The following PAPPA2 variants were observed in gnomAD, a reference collection of about 807,000 sequenced individuals.
PAPPA2 encodes the protein pappalysin-2.
PAPPA2 carries 86 observed loss-of-function variants against 176.4 expected under a neutral mutation model. The observed-to-expected ratio is 0.49, with a 90% CI of 0.41 to 0.58. PAPPA2 has a LOEUF of 0.58. PAPPA2 is among the 20% of genes least tolerant of loss of function. PAPPA2 has a pLI of 0.00. For synonymous variants in PAPPA2, 809 were observed against 852.2 expected (o/e 0.95, Z 0.88); for missense variants, 2,073 against 2,256.9 (o/e 0.92, Z 1.65).
chr1:176,731,677 G>A (rs1418000533), intron 12 of PAPPA2, among the ~76,000 whole-genome samples: 2 of 150,756 alleles, frequency 1.3e-5, no homozygotes, highest in African/African-American at 2.5e-5. Context: ...ACATATATGT[G>A]TATATATACA....
At chr1:176,473,764 TG>T (rs1651991243) in intron 1 of PAPPA2, among the ~76,000 whole-genome samples, 1 of 152,226 alleles carries the variant, frequency 6.6e-6, no homozygotes, top group Non-Finnish European at 1.5e-5. Context: ...TGTTTTAATT[TG>T]TAATTCCTGA....
rs1045849278 is a variant in PAPPA2 at position 176,599,995 on chromosome 1, T to C, written c.1991+4400T>C. On this transcript the variant is annotated intron_variant, in intron 3 of 22. Transcript: ENST00000367662. Reference sequence around the variant, plus strand: ...GCCTTCCCTATCCTATTTTTTGTGTTGAATCTTTATTATTAAAAATATTAA... The same window carrying C: ...GCCTTCCCTATCCTATTTTTTGTGTCGAATCTTTATTATTAAAAATATTAA... Among the ~76,000 whole-genome samples, 15 of 152,278 alleles carry C rather than the reference T, an allele frequency of 9.9e-5. No homozygotes were observed. The East Asian group carries it at 2.5e-3, about 25-fold the overall frequency.
At chr1:176,485,993 G>C (rs930010408) in intron 1 of PAPPA2, among the ~76,000 whole-genome samples, 2 of 152,192 alleles carry the variant, frequency 1.3e-5, no homozygotes, top group Admixed American at 6.5e-5. Flanking sequence ...GTGGGAAAAT[G>C]ACTAGGAAAT....
intron 21 of PAPPA2, among the ~76,000 whole-genome samples, chr1:176,801,732 A>G (rs955652999): frequency 1.3e-5 from 2 of 152,042 alleles, no homozygotes; most frequent in Non-Finnish European, 2.9e-5. Flanking sequence ...GATCCTGAGA[A>G]TTCCCTTCTG....
At chr1:176,814,118 C>T (rs186169174) in intron 21 of PAPPA2, among the ~76,000 whole-genome samples, 248 of 152,180 alleles carry the variant, frequency 1.6e-3, no homozygotes, top group Non-Finnish European at 2.8e-3. Flanking sequence ...TTTCTGAGTT[C>T]TCTATTCTGT....
chr1:176,468,198 T>G (rs1185314458), intron 1 of PAPPA2, among the ~76,000 whole-genome samples: 1 of 152,204 alleles, frequency 6.6e-6, no homozygotes, highest in East Asian at 1.9e-4. Context: ...CTGAGATTCT[T>G]CCATCCTGGA....
intron 4 of PAPPA2, among the ~76,000 whole-genome samples, chr1:176,688,755 T>G (rs558949431): frequency 6.6e-6 from 1 of 152,164 alleles, no homozygotes; most frequent in South Asian, 2.1e-4. Flanking sequence ...CTGTCCTGTG[T>G]AGTACAGTAG....
At chr1:176,825,641 A>G (rs1340181375) in intron 21 of PAPPA2, among the ~76,000 whole-genome samples, 1 of 152,232 alleles carries the variant, frequency 6.6e-6, no homozygotes, top group Non-Finnish European at 1.5e-5. Context: ...TAGATAGAGC[A>G]TTGCTGCTAT....
intron 14 of PAPPA2, among the ~76,000 whole-genome samples, chr1:176,757,644 T>G (rs1398079914): frequency 2.0e-5 from 3 of 152,184 alleles, no homozygotes; most frequent in Non-Finnish European, 2.9e-5. Flanking sequence ...TTGCTTCCAT[T>G]CTGTAGGTTG....
At chr1:176,529,020 A>T (rs1267802392) in intron 1 of PAPPA2, among the ~76,000 whole-genome samples, 1 of 152,222 alleles carries the variant, frequency 6.6e-6, no homozygotes, top group Non-Finnish European at 1.5e-5. Context: ...ACTTGTGGGC[A>T]GGAAGCAGAC....
chr1:176,678,484 C>T (rs1020671754), intron 4 of PAPPA2, among the ~76,000 whole-genome samples: 1 of 151,278 alleles, frequency 6.6e-6, no homozygotes, highest in African/African-American at 2.4e-5. Flanking sequence ...CCAAATCTTA[C>T]AGCAATTTAA....
intron 3 of PAPPA2, among the ~76,000 whole-genome samples, chr1:176,664,104 T>C (rs1658496229): frequency 6.6e-6 from 1 of 152,222 alleles, no homozygotes; most frequent in Non-Finnish European, 1.5e-5. Flanking sequence ...CTTTATGCTC[T>C]TTTATTTTCC....
chr1:176,682,274 G>T (rs1165323344), intron 4 of PAPPA2, among the ~76,000 whole-genome samples: 1 of 152,134 alleles, frequency 6.6e-6, no homozygotes, highest in East Asian at 1.9e-4. Flanking sequence ...GTGAAGAGGG[G>T]GATGTGGATC....
At chr1:176,711,045 G>A (rs1256865339) in intron 11 of PAPPA2, among the ~76,000 whole-genome samples, 3 of 152,056 alleles carry the variant, frequency 2.0e-5, no homozygotes, top group Non-Finnish European at 4.4e-5. Context: ...CCTTTTTATT[G>A]GGAAAATAAT....
chr1:176,493,435 A>G (rs769523488), intron 1 of PAPPA2, among the ~76,000 whole-genome samples: 21 of 152,180 alleles, frequency 1.4e-4, no homozygotes, highest in Non-Finnish European at 3.1e-4. Flanking sequence ...TGGCAGCTCT[A>G]TTGCTCCTGA....
chr1:176,825,967 CATT>C (rs541901841), intron 21 of PAPPA2, among the ~76,000 whole-genome samples: 308 of 152,270 alleles, frequency 2.0e-3, no homozygotes, highest in Non-Finnish European at 3.4e-3. Flanking sequence ...TATTGAATAA[CATT>C]ATTGAGTGTT....
intron 1 of PAPPA2, among the ~76,000 whole-genome samples, chr1:176,531,934 G>A (rs1305152087): frequency 6.6e-6 from 1 of 152,132 alleles, no homozygotes; most frequent in East Asian, 1.9e-4. Context: ...CATTTCTTGG[G>A]AACTGGGCTT....
intron 21 of PAPPA2, among the ~76,000 whole-genome samples, chr1:176,819,816 C>T (rs1312805253): frequency 6.6e-6 from 1 of 152,198 alleles, no homozygotes; most frequent in Non-Finnish European, 1.5e-5. Context: ...GAAAGAGAGC[C>T]TCTGCACTTT....
At chr1:176,653,723 T>C (rs1338153410) in intron 3 of PAPPA2, among the ~76,000 whole-genome samples, 1 of 151,742 alleles carries the variant, frequency 6.6e-6, no homozygotes, top group Non-Finnish European at 1.5e-5. Flanking sequence ...TTCTTCCTTA[T>C]ACCCCACTCC....
Sources: gnomAD v4.1 joint callset for allele counts (sites outside exome capture counted in the v4.1 genomes callset) on GRCh38, gnomAD v4.1.1 for gene constraint, MANE v1.5 for transcripts, NCBI Gene and HGNC (gene_info 2026-07-23, HGNC 2026-07-21) for gene names.